The following ZSWIM6 variants were observed in gnomAD, a reference collection of about 807,000 sequenced individuals.
The protein encoded by ZSWIM6 is zinc finger SWIM domain-containing protein 6.
Under a neutral mutation model 113.2 loss-of-function variants are expected in ZSWIM6, and 9 were observed. The ratio of observed to expected loss-of-function variants is 0.08; its 90% CI spans 0.05 to 0.14. The LOEUF (loss-of-function observed/expected upper bound fraction) is 0.14. ZSWIM6 is among the 10% of genes least tolerant of loss of function. The pLI is 1.00. For synonymous variants in ZSWIM6, 611 were observed against 606.5 expected, an observed-to-expected ratio of 1.01 and a Z score of -0.11; for missense variants, 1,162 against 1,552.2, an observed-to-expected ratio of 0.75 and a Z score of 4.22.
intron 1 of ZSWIM6, among the ~76,000 whole-genome samples, chr5:61,453,608 T>C (rs1423244597): frequency 1.3e-5 from 2 of 152,110 alleles, no homozygotes; most frequent in African/African-American, 4.8e-5. Context: ...ACTCCTGGGC[T>C]CAAGCAGTCC....
chr5:61,391,397 C>A lies in ZSWIM6; in HGVS notation c.676+58449C>A, dbSNP rs1745708290. The A allele has an allele frequency of 1.1e-5, 10 of 893,616 alleles. No homozygotes were observed. The Admixed American group carries it at 1.7e-4, about 15-fold the overall frequency. The allele number at this position is 893,616 out of a possible 1,614,324, so 55.4% of individuals were successfully genotyped here. A position where few individuals can be genotyped will look rare whatever the true frequency, so the allele number is the denominator to read the frequency against. On this transcript the variant is annotated intron_variant, in intron 1 of 13. Transcript: ENST00000252744. ...TGGGTGTAGGCAATGATGCAGATGA[C>A]TTGGCGGTACTTCTTCATGCTGCTG...
chr5:61,517,204 A>G (rs772276622), intron 4 of ZSWIM6, among the ~76,000 whole-genome samples: 2 of 152,048 alleles, frequency 1.3e-5, no homozygotes, highest in Non-Finnish European at 2.9e-5. Flanking sequence ...GGAGGTTTTC[A>G]TTCATGATTT....
At chr5:61,479,555 A>G (rs150703145) in intron 2 of ZSWIM6, among the ~76,000 whole-genome samples, 45 of 152,184 alleles carry the variant, frequency 3.0e-4, no homozygotes, top group East Asian at 1.4e-3. Flanking sequence ...CTGGCCTCCA[A>G]TCTCTCCAGG....
At chr5:61,398,733 A>G (rs2112100377) in intron 1 of ZSWIM6, among the ~76,000 whole-genome samples, 1 of 152,252 alleles carries the variant, frequency 6.6e-6, no homozygotes, top group East Asian at 1.9e-4. Context: ...TGATTTTAGG[A>G]TTAAAGTAAA....
intron 10 of ZSWIM6, among the ~76,000 whole-genome samples, chr5:61,537,298 C>G (rs973443067): frequency 6.6e-6 from 1 of 152,168 alleles, no homozygotes; most frequent in African/African-American, 2.4e-5. Context: ...TTTCCACTTT[C>G]TCTCTTCTAT....
chr5:61,444,217 G>A (rs986695254), intron 1 of ZSWIM6, among the ~76,000 whole-genome samples: 2 of 150,854 alleles, frequency 1.3e-5, no homozygotes, highest in Non-Finnish European at 2.9e-5. Flanking sequence ...TTGTCCCTGC[G>A]ATAGTTTGCT....
intron 4 of ZSWIM6, among the ~76,000 whole-genome samples, chr5:61,497,124 A>AAG (rs1748339400): frequency 1.3e-5 from 2 of 149,872 alleles, no homozygotes; most frequent in South Asian, 4.2e-4. Flanking sequence ...AAAAAAAAAA[A>AAG]GATTCCTGGC....
intron 1 of ZSWIM6, among the ~76,000 whole-genome samples, chr5:61,430,021 G>A (rs183709910): frequency 6.6e-6 from 1 of 152,332 alleles, no homozygotes; most frequent in East Asian, 1.9e-4. Context: ...CGAAGTCAAA[G>A]GGTTTTATGT....
chr5:61,444,225 G>A (rs551507320), intron 1 of ZSWIM6, among the ~76,000 whole-genome samples: 1 of 151,296 alleles, frequency 6.6e-6, no homozygotes, highest in Non-Finnish European at 1.5e-5. Context: ...GCGATAGTTT[G>A]CTGAGAATGA....
intron 1 of ZSWIM6, among the ~76,000 whole-genome samples, chr5:61,359,179 T>A (rs1234243087): frequency 6.6e-6 from 1 of 152,102 alleles, no homozygotes; most frequent in African/African-American, 2.4e-5. Flanking sequence ...GAGAGGGCAT[T>A]CCATCCAGAT....
At chr5:61,431,063 T>C (rs1310426031) in intron 1 of ZSWIM6, among the ~76,000 whole-genome samples, 6 of 152,138 alleles carry the variant, frequency 3.9e-5, no homozygotes, top group Non-Finnish European at 8.8e-5. Flanking sequence ...TAAAGGTTTT[T>C]ATGATTTGCC....
intron 10 of ZSWIM6, among the ~76,000 whole-genome samples, chr5:61,536,100 G>A (rs1305436179): frequency 6.6e-6 from 1 of 152,224 alleles, no homozygotes; most frequent in East Asian, 1.9e-4. Flanking sequence ...ACTGGAGGCT[G>A]AGAGAAGGTG....
rs1397629089 is a variant in ZSWIM6 at position 61,464,419 on chromosome 5, C to A, written c.677-8262C>A. Among the ~76,000 whole-genome samples the A allele has an allele frequency of 2.0e-5, 3 of 152,030 alleles. 1 individual carries two copies. The highest frequency in any genetic ancestry group is 2.0e-4 in the Admixed American group (3 of 15,256). On this transcript the variant is annotated intron_variant, in intron 1 of 13. Coordinates refer to ENST00000252744, the MANE Select transcript of ZSWIM6 (RefSeq NM_020928.2). The stretch of plus-strand genomic sequence containing the variant: ...TAGAAACCTTATGTTCCCTTCAGTT[C>A]TACTTAATCCAGAGTGTGTTCTACC...
Position 61,457,467 on chromosome 5 carries a change from C to G in ZSWIM6, c.677-15214C>G, listed in dbSNP as rs553973480. On this transcript the variant is annotated intron_variant, in intron 1 of 13. Transcript: ENST00000252744. Reference sequence around the variant, plus strand: ...TTTATATTTTAGGCAAGTAAAGTATCCTTTGTAAACATAACAATTGTGATT... The same window carrying G: ...TTTATATTTTAGGCAAGTAAAGTATGCTTTGTAAACATAACAATTGTGATT... Among the ~76,000 whole-genome samples, 17 of 152,106 alleles carry G rather than the reference C, an allele frequency of 1.1e-4. No homozygotes were observed. In the South Asian group the frequency reaches 3.1e-3, roughly 28 times the overall value.
In ZSWIM6 at chr5:61,543,612, G is replaced by T; in HGVS notation, c.2943G>T (p.Arg981=). 1 of 1,551,728 alleles carries T rather than the reference G, an allele frequency of 6.4e-7. No homozygotes were observed. Residue 981 remains arginine, a synonymous_variant, in exon 14 of 14, where the codon CGG becomes CGT. Coordinates refer to ENST00000252744, the MANE Select transcript of ZSWIM6 (RefSeq NM_020928.2). This position sits in a 1 kb window ranked among gnomAD's most constrained non-coding sequence, Gnocchi z 4.3. ...HQQEKLASSA[R]TLALQCAMKD... ...AGGAAAAGCTGGCCAGCAGCGCCCGGACACTTGCACTGCAGTGTGCCATGA... is the reference window on the plus strand; with the variant it reads ...AGGAAAAGCTGGCCAGCAGCGCCCGTACACTTGCACTGCAGTGTGCCATGA...
intron 1 of ZSWIM6, among the ~76,000 whole-genome samples, chr5:61,392,473 G>A (rs1052421910): frequency 1.8e-4 from 27 of 152,198 alleles, no homozygotes; most frequent in African/African-American, 6.3e-4. Flanking sequence ...AGTTTGGTGA[G>A]ACAGGAGTTG....
intron 1 of ZSWIM6, among the ~76,000 whole-genome samples, chr5:61,421,044 G>A (rs1012985980): frequency 6.6e-6 from 1 of 151,530 alleles, no homozygotes; most frequent in African/African-American, 2.4e-5. Context: ...CTCAGTCTCC[G>A]AGGTGGCTGG....
chr5:61,386,228 G>A (rs970522590), intron 1 of ZSWIM6, among the ~76,000 whole-genome samples: 4 of 152,144 alleles, frequency 2.6e-5, no homozygotes, highest in African/African-American at 9.7e-5. Context: ...AAGACCTTTG[G>A]TTTATCCCCA....
At chr5:61,353,330 C>T (rs566691057) in intron 1 of ZSWIM6, among the ~76,000 whole-genome samples, 83 of 152,268 alleles carry the variant, frequency 5.5e-4, no homozygotes, top group African/African-American at 2.0e-3. Flanking sequence ...GCTCTCATAA[C>T]AACTTTGAGG....
Sources: gnomAD v4.1 joint callset for allele counts (sites outside exome capture counted in the v4.1 genomes callset) on GRCh38, gnomAD v4.1.1 for gene constraint, Gnocchi (gnomAD v3.1) non-coding constraint, MANE v1.5 for transcripts, NCBI Gene and HGNC (gene_info 2026-07-23, HGNC 2026-07-21) for gene names.